The following ADAMTS6 variants were observed in gnomAD, a reference collection of about 807,000 sequenced individuals.
ADAMTS6 encodes ADAM metallopeptidase with thrombospondin type 1 motif 6.
In ADAMTS6, 23 loss-of-function variants were observed where a neutral mutation model predicts 144.3. The observed-to-expected ratio is 0.16, with a 90% CI of 0.11 to 0.23. The LOEUF (loss-of-function observed/expected upper bound fraction) is 0.23, where lower values mean the gene tolerates loss of function less well. ADAMTS6 is among the 10% of genes least tolerant of loss of function. ADAMTS6 has a pLI of 1.00. For missense variants in ADAMTS6, 999 were observed against 1,379.6 expected (o/e 0.72, Z 4.37); for synonymous variants, 444 against 457.5 (o/e 0.97, Z 0.38).
At position 65,173,586 on chromosome 5, in the gene ADAMTS6, G is replaced by A. The variant is rs530422207; in HGVS notation, c.2911-578C>T. On this transcript the variant is annotated intron_variant, in intron 22 of 24. Coordinates refer to ENST00000381055, the MANE Select transcript of ADAMTS6 (RefSeq NM_197941.4). ...TCTTTAGAACTGGGTCTGTTTGTTC[G>A]TCATACTGAGGGAAGGATGTTTTTC... 1.0e-3 allele frequency among the ~76,000 whole-genome samples: 159 copies of A among 152,232 alleles called. 1 individual carries two copies. The highest frequency in any genetic ancestry group is 1.8e-3 in the Non-Finnish European group (123 of 68,012).
intron 7 of ADAMTS6, among the ~76,000 whole-genome samples, chr5:65,339,822 A>C (rs1443048580): frequency 6.6e-6 from 1 of 152,050 alleles, no homozygotes; most frequent in Non-Finnish European, 1.5e-5. Context: ...TAAAGAAAGA[A>C]AAAGGAACAA....
chr5:65,367,852 AT>A (rs1750449907), intron 7 of ADAMTS6, among the ~76,000 whole-genome samples: 1 of 151,998 alleles, frequency 6.6e-6, no homozygotes, highest in African/African-American at 2.4e-5. Context: ...ACATATATAT[AT>A]ATCTATATGT....
chr5:65,412,424 GCACA>G (rs1580646043), intron 7 of ADAMTS6, among the ~76,000 whole-genome samples: 1 of 151,410 alleles, frequency 6.6e-6, no homozygotes, highest in East Asian at 1.9e-4. Context: ...ATGCACACAG[GCACA>G]CAAACACACA....
intron 9 of ADAMTS6, among the ~76,000 whole-genome samples, chr5:65,304,563 G>A (rs1037534991): frequency 1.3e-5 from 2 of 151,986 alleles, no homozygotes; most frequent in African/African-American, 4.8e-5. Flanking sequence ...CTCCCAAGTC[G>A]CTGGGACCAC....
chr5:65,351,057 C>T (rs1748806422), intron 7 of ADAMTS6, among the ~76,000 whole-genome samples: 2 of 152,168 alleles, frequency 1.3e-5, no homozygotes, highest in East Asian at 3.8e-4. Context: ...ATTCTAATTT[C>T]AAATCAATAT....
chr5:65,194,211 A>G (rs1200419921), intron 21 of ADAMTS6, among the ~76,000 whole-genome samples: 1 of 152,190 alleles, frequency 6.6e-6, no homozygotes, highest in Non-Finnish European at 1.5e-5. Context: ...GGTTTGACCT[A>G]ATGATTTTTC....
At chr5:65,207,378 A>T (rs905870898) in intron 20 of ADAMTS6, among the ~76,000 whole-genome samples, 2 of 152,160 alleles carry the variant, frequency 1.3e-5, no homozygotes, top group Non-Finnish European at 2.9e-5. Flanking sequence ...TAAATATAAA[A>T]TATCGTATGT....
intron 7 of ADAMTS6, among the ~76,000 whole-genome samples, chr5:65,450,247 T>A (rs936322464): frequency 6.6e-5 from 10 of 152,186 alleles, no homozygotes; most frequent in African/African-American, 2.4e-4. Flanking sequence ...TCAGCAAGCA[T>A]GTCATAAACC....
intron 1 of ADAMTS6, among the ~76,000 whole-genome samples, chr5:65,478,452 CCT>C (rs938628643): frequency 2.2e-4 from 34 of 152,180 alleles, no homozygotes; most frequent in Non-Finnish European, 4.4e-4. Context: ...AGTTACTTAA[CCT>C]CTCTGCATCT....
At chr5:65,400,174 G>C (rs1461561253) in intron 7 of ADAMTS6, among the ~76,000 whole-genome samples, 1 of 151,806 alleles carries the variant, frequency 6.6e-6, no homozygotes, top group Non-Finnish European at 1.5e-5. Flanking sequence ...TCCTCTTTCA[G>C]AATTTTTTCT....
At chr5:65,345,330 A>G (rs1298298478) in intron 7 of ADAMTS6, among the ~76,000 whole-genome samples, 3 of 151,830 alleles carry the variant, frequency 2.0e-5, no homozygotes, top group African/African-American at 7.2e-5. Context: ...GAAAAAAATT[A>G]TTTTTGAAGT....
intron 9 of ADAMTS6, among the ~76,000 whole-genome samples, chr5:65,305,999 A>G (rs1366631859): frequency 6.6e-6 from 1 of 152,210 alleles, no homozygotes; most frequent in Non-Finnish European, 1.5e-5. Context: ...CGAACAGGTT[A>G]ACTTATTACT....
intron 7 of ADAMTS6, among the ~76,000 whole-genome samples, chr5:65,434,383 G>A (rs921356807): frequency 6.6e-6 from 1 of 152,210 alleles, no homozygotes; most frequent in South Asian, 2.1e-4. Context: ...ACTAAAAACC[G>A]TTGAATAAAC....
At chr5:65,223,835 A>T (rs1182364478) in intron 18 of ADAMTS6, among the ~76,000 whole-genome samples, 2 of 146,938 alleles carry the variant, frequency 1.4e-5, no homozygotes, top group Admixed American at 6.9e-5. Context: ...AGTCTCGCTC[A>T]GTCCCCCAGG....
At position 65,383,582 on chromosome 5, in the gene ADAMTS6, C is replaced by T. The variant is rs1374948845; in HGVS notation, c.1074-49497G>A. Among the ~76,000 whole-genome samples the T allele has an allele frequency of 2.0e-4, 31 of 152,120 alleles. 1 individual carries two copies. The highest frequency in any genetic ancestry group is 2.0e-3 in the Admixed American group (31 of 15,282). ...CCCCAAGGCTCCAGGCAATCCTACTCTCAAGGCTTTGCTTGGTGAAGCCCA... is the reference window on the plus strand; with the variant it reads ...CCCCAAGGCTCCAGGCAATCCTACTTTCAAGGCTTTGCTTGGTGAAGCCCA... On this transcript the variant is annotated intron_variant, in intron 7 of 24. Transcript: ENST00000381055.
At chr5:65,422,456 T>C (rs1300784614) in intron 7 of ADAMTS6, among the ~76,000 whole-genome samples, 20 of 152,112 alleles carry the variant, frequency 1.3e-4, no homozygotes, top group Non-Finnish European at 2.5e-4. Context: ...ACCCTGTTGC[T>C]ACTAAAAATA....
chr5:65,466,704 T>C (rs145218256), intron 3 of ADAMTS6, among the ~76,000 whole-genome samples: 2 of 152,320 alleles, frequency 1.3e-5, no homozygotes, highest in East Asian at 3.9e-4. Flanking sequence ...CTATATGGTC[T>C]TTATAATATT....
chr5:65,323,617 C>A (rs1370937879), intron 9 of ADAMTS6, among the ~76,000 whole-genome samples: 10 of 152,050 alleles, frequency 6.6e-5, no homozygotes, highest in Admixed American at 6.6e-4. Context: ...ATTTATAATC[C>A]TTTGGGTATA....
chr5:65,170,527 C>T (rs1216746011), intron 24 of ADAMTS6, 90 bp downstream of exon 24: 2 of 1,442,044 alleles, frequency 1.4e-6, no homozygotes, highest in African/African-American at 2.8e-5. Context: ...AACTACACTA[C>T]AGTAGTGGGT....
Sources: gnomAD v4.1 joint callset for allele counts (sites outside exome capture counted in the v4.1 genomes callset) on GRCh38, gnomAD v4.1.1 for gene constraint, MANE v1.5 for transcripts, NCBI Gene and HGNC (gene_info 2026-07-23, HGNC 2026-07-21) for gene names.